The following STK32B variants were observed in gnomAD, a reference collection of about 807,000 sequenced individuals.
The protein encoded by STK32B is serine/threonine kinase 32B.
Under a neutral mutation model 52.6 loss-of-function variants are expected in STK32B, and 43 were observed. The ratio of observed to expected loss-of-function variants is 0.82; its 90% CI spans 0.64 to 1.05. The LOEUF is 1.05. STK32B is among the 50% of genes least tolerant of loss of function. The pLI is 0.00. For missense variants in STK32B, 621 were observed against 534.6 expected, an observed-to-expected ratio of 1.16 and a Z score of -1.59; for synonymous variants, 238 against 204.3, an observed-to-expected ratio of 1.17 and a Z score of -1.41.
the STK32B span, among the ~76,000 whole-genome samples, chr4:5,019,768 G>A: frequency 6.6e-6 from 1 of 152,172 alleles, no homozygotes; most frequent in Non-Finnish European, 1.5e-5. Flanking sequence ...GAGAGGGGTG[G>A]GGGATAAGAG....
At chr4:5,281,145 C>A (rs1164078871) in intron 3 of STK32B, among the ~76,000 whole-genome samples, 1 of 144,252 alleles carries the variant, frequency 6.9e-6, no homozygotes, top group Non-Finnish European at 1.5e-5. Flanking sequence ...CCAACCAGAT[C>A]TCATGAGAAC....
chr4:5,452,181 C>G (rs1051631100), intron 7 of STK32B, among the ~76,000 whole-genome samples: 3 of 152,210 alleles, frequency 2.0e-5, no homozygotes, highest in Non-Finnish European at 4.4e-5. Flanking sequence ...CATCAACCAC[C>G]TCCCTGACCT....
chr4:5,363,077 C>T (rs1230829464), intron 4 of STK32B, among the ~76,000 whole-genome samples: 1 of 152,178 alleles, frequency 6.6e-6, no homozygotes, highest in Non-Finnish European at 1.5e-5. Flanking sequence ...GCCATCTTCA[C>T]TTAACACATT....
chr4:5,495,381 T>C (rs1385829862), intron 11 of STK32B, among the ~76,000 whole-genome samples: 1 of 152,232 alleles, frequency 6.6e-6, no homozygotes, highest in Non-Finnish European at 1.5e-5. Flanking sequence ...CTCCTGAGGC[T>C]TCTGCATTCT....
At chr4:5,193,627 C>T (rs778345541) in intron 3 of STK32B, among the ~76,000 whole-genome samples, 4 of 152,358 alleles carry the variant, frequency 2.6e-5, no homozygotes, top group Non-Finnish European at 5.9e-5. Context: ...AATGTCCTGG[C>T]CCCTGCTCTT....
At chr4:5,276,818 G>A (rs995879397) in intron 3 of STK32B, among the ~76,000 whole-genome samples, 1 of 151,972 alleles carries the variant, frequency 6.6e-6, no homozygotes, top group African/African-American at 2.4e-5. Context: ...TGCAGTTTCC[G>A]CTTCTTCTCT....
chr4:5,317,349 A>T (rs1223449320), intron 3 of STK32B, among the ~76,000 whole-genome samples: 6 of 88,670 alleles, frequency 6.8e-5, no homozygotes, highest in Non-Finnish European at 1.1e-4. Flanking sequence ...ATACATATAT[A>T]TAATATATAT....
chr4:5,217,378 G>A (rs898044331), intron 3 of STK32B, among the ~76,000 whole-genome samples: 2 of 152,204 alleles, frequency 1.3e-5, no homozygotes, highest in East Asian at 3.8e-4. Flanking sequence ...AACAATGAAG[G>A]TGAAGGAGGC....
At chr4:5,035,818 G>T in the STK32B span, among the ~76,000 whole-genome samples, 1 of 147,318 alleles carries the variant, frequency 6.8e-6, no homozygotes, top group Non-Finnish European at 1.5e-5. Context: ...AAGTCTCGCT[G>T]TCACCCAGGC....
intron 3 of STK32B, among the ~76,000 whole-genome samples, chr4:5,250,047 G>C (rs1029900634): frequency 1.3e-5 from 2 of 152,126 alleles, no homozygotes; most frequent in African/African-American, 4.8e-5. Flanking sequence ...TTAGGGGAAT[G>C]ACCTCCAGTT....
intron 4 of STK32B, among the ~76,000 whole-genome samples, chr4:5,368,081 A>C (rs953389815): frequency 3.9e-4 from 60 of 152,164 alleles, no homozygotes; most frequent in African/African-American, 1.3e-3. Flanking sequence ...TCTAATGTGT[A>C]AGTCAAAGAG....
chr4:5,038,735 T>G, the STK32B span, among the ~76,000 whole-genome samples: 1 of 151,780 alleles, frequency 6.6e-6, no homozygotes, highest in Non-Finnish European at 1.5e-5. Context: ...TCTGGATGAG[T>G]GAGTAGCTGG....
chr4:5,326,808 A>G (rs1460347613), intron 3 of STK32B, among the ~76,000 whole-genome samples: 1 of 152,202 alleles, frequency 6.6e-6, no homozygotes, highest in African/African-American at 2.4e-5. Flanking sequence ...TTAAAATAAG[A>G]AAACAATGAA....
chr4:5,319,452 T>G (rs919481336), intron 3 of STK32B, among the ~76,000 whole-genome samples: 6 of 152,194 alleles, frequency 3.9e-5, no homozygotes, highest in South Asian at 4.1e-4. Flanking sequence ...TTCTCCTGTT[T>G]CCAAATCCTC....
chr4:5,166,200 G>C (rs543026469), intron 2 of STK32B, among the ~76,000 whole-genome samples: 69 of 152,168 alleles, frequency 4.5e-4, no homozygotes, highest in African/African-American at 1.4e-3. Context: ...AGCCAACAGC[G>C]TTATTGCCGG....
intron 1 of STK32B, among the ~76,000 whole-genome samples, chr4:5,120,778 G>C (rs1714981146): frequency 6.6e-6 from 1 of 151,690 alleles, no homozygotes; most frequent in Admixed American, 6.6e-5. Context: ...TTTTTTCTAA[G>C]CACTTTACAT....
chr4:5,301,421 T>C (rs545284692), intron 3 of STK32B, among the ~76,000 whole-genome samples: 1 of 152,124 alleles, frequency 6.6e-6, no homozygotes, highest in African/African-American at 2.4e-5. Flanking sequence ...TATTTTTAAA[T>C]TATTATTTAT....
chr4:5,140,293 C>T (rs767681233), intron 2 of STK32B: 53 of 1,335,682 alleles, frequency 4.0e-5, no homozygotes, highest in African/African-American at 8.9e-5. Context: ...GCAACATAGA[C>T]GTTTGTTGTT....
chr4:5,391,180 C>T (rs10030719), intron 4 of STK32B, among the ~76,000 whole-genome samples: 1,734 of 151,916 alleles, frequency 0.011, 21 homozygotes, highest in South Asian at 0.057. Flanking sequence ...AGGATGGTCT[C>T]GATCTCCTTA....
Sources: allele counts gnomAD v4.1 joint callset (sites outside exome capture counted in the v4.1 genomes callset), GRCh38; gene constraint gnomAD v4.1.1; transcripts MANE v1.5; gene names NCBI Gene and HGNC (gene_info 2026-07-23, HGNC 2026-07-21).